Variants in RNF187 observed in about 807,000 individuals in gnomAD.
The protein encoded by RNF187 is ring finger protein 187.
A neutral mutation model predicts 22.2 loss-of-function variants in RNF187; 18 were observed. The ratio of observed to expected loss-of-function variants is 0.81; its 90% CI spans 0.56 to 1.20. The LOEUF is 1.20. Among genes scored for constraint, RNF187 ranks in the 50% most tolerant of loss-of-function variants. The pLI is 0.00. For missense variants in RNF187, 329 were observed against 317.6 expected, an observed-to-expected ratio of 1.04 and a Z score of -0.27; for synonymous variants, 164 against 140.9, an observed-to-expected ratio of 1.16 and a Z score of -1.16.
At position 228,493,905 on chromosome 1, in the gene RNF187, TCCC is replaced by T; in HGVS notation, c.*21_*23del. ...CAGTGATGGCGCCAACCCGTGGCAG[TCCC>T]AGAGCTGGAGGCAGGAGGATGGATC... On this transcript the variant is annotated 3_prime_UTR_variant, in exon 4 of 4. Transcript: ENST00000305943. The surrounding 1 kb of genome is among the most constrained non-coding windows in gnomAD (Gnocchi z 4.7). The T allele has an allele frequency of 6.4e-7, 1 of 1,551,746 alleles. No homozygotes were observed. Among genetic ancestry groups the T allele is most frequent in the South Asian group, 1.2e-5 (1 of 84,062 alleles).
At chr1:228,489,737 G>A in intron 2 of RNF187, among the ~76,000 whole-genome samples, 1 of 149,968 alleles carries the variant, frequency 6.7e-6, no homozygotes, top group African/African-American at 2.5e-5. Context: ...TTCTCACTGT[G>A]TCCTCACATG....
rs1213181739 is a variant in RNF187, at chr1:228,487,611, C to T, written c.123C>T (p.Ala41=). The change falls in exon 1 of 4, where the codon GCC becomes GCT. Residue 41 remains alanine (A), a synonymous_variant. Transcript: ENST00000305943. ...GGGCGTGCGTGGTGCGCTTCTGGGC[C>T]GAGGAGGACGGGCCCTTCCCGTGCC... The T allele has an allele frequency of 2.4e-6, 3 of 1,259,212 alleles. No individual in the cohort carries two copies. The East Asian group carries it at 1.4e-4, about 57-fold the overall frequency. The allele number at this position is 1,259,212 out of a possible 1,614,324, so 78.0% of individuals were successfully genotyped here.
At chr1:228,491,847 C>T in intron 2 of RNF187, among the ~76,000 whole-genome samples, 2 of 152,168 alleles carry the variant, frequency 1.3e-5, no homozygotes, top group Admixed American at 6.5e-5. Context: ...TGGACAAAGA[C>T]TAGCCACTTG....
Position 228,492,830 on chromosome 1 carries a change from G to T in RNF187, c.484-223G>T. 6.1e-5 allele frequency among the ~76,000 whole-genome samples: 9 copies of T among 147,944 alleles called. No homozygotes were observed. In the East Asian group the frequency reaches 1.8e-3, roughly 29 times the overall value. On this transcript the variant is annotated intron_variant, in intron 2 of 3. Transcript: ENST00000305943. ...AGTAGAGACGGGGTTTCACCATGTT[G>T]GTCAGGCTGGTCTTGAACTCCTGAC...
chr1:228,494,381 G>A lies in RNF187; in HGVS notation c.*496G>A. ...TCAGGTCTTCAGGGAGAGAAAGGAA[G>A]ACTGGATTGCACCTTGATGCCTCCT... On this transcript the variant is annotated 3_prime_UTR_variant, in exon 4 of 4. Transcript: ENST00000305943. The A allele has an allele frequency of 9.8e-7, 1 of 1,018,568 alleles. No homozygotes were observed. The highest frequency in any genetic ancestry group is 1.7e-5 in the African/African-American group (1 of 59,052). 63.1% of individuals were successfully genotyped at this position (1,018,568 alleles called of 1,614,324 possible). A position where few individuals can be genotyped will look rare whatever the true frequency, so the allele number is the denominator to read the frequency against.
Position 228,495,976 on chromosome 1 carries a change from A to G in RNF187, c.*2091A>G. 6.6e-6 allele frequency among the ~76,000 whole-genome samples: 1 copy of G among 152,172 alleles called. No individual in the cohort carries two copies. Among genetic ancestry groups the G allele is most frequent in the Admixed American group, 6.5e-5 (1 of 15,284 alleles). On this transcript the variant is annotated 3_prime_UTR_variant, in exon 4 of 4. Coordinates refer to ENST00000305943, the MANE Select transcript of RNF187 (RefSeq NM_001010858.3). ...ACCCTGCAGTCAGCCCTCCCTCTGC[A>G]CATATGTGGGACAGTCAGATACAGA...
In RNF187 at chr1:228,487,581, C is replaced by T; in HGVS notation, c.93C>T (p.Phe31=). Reference sequence around the variant, plus strand: ...TGCGCGCCGACTGCGGCCACCGCTTCTGTCGGGCGTGCGTGGTGCGCTTCT... The same window carrying T: ...TGCGCGCCGACTGCGGCCACCGCTTTTGTCGGGCGTGCGTGGTGCGCTTCT... Residue 31 remains phenylalanine (F), a synonymous_variant, in exon 1 of 4, where the codon TTC becomes TTT. Transcript: ENST00000305943. The T allele has an allele frequency of 1.6e-6, 2 of 1,267,384 alleles. No homozygotes were observed. Among genetic ancestry groups the T allele is most frequent in the Non-Finnish European group, 1.0e-6 (1 of 992,698 alleles). 78.5% of individuals were successfully genotyped at this position (1,267,384 alleles called of 1,614,324 possible).
chr1:228,493,067 C>T lies in RNF187; in HGVS notation c.498C>T (p.Asp166=), dbSNP rs1437028689. The change falls in exon 3 of 4, where the codon GAC becomes GAT. Residue 166 remains aspartate, a synonymous_variant. Transcript: ENST00000305943. This position sits in a 1 kb window ranked among gnomAD's most constrained non-coding sequence, Gnocchi z 4.7. ...CCCGTTTGCAGGGACACGTGATGGA[C>T]CGTAGGAAGAAGGCACTGACCGACT... 6.5e-7 allele frequency: 1 copy of T among 1,549,234 alleles called. No individual in the cohort carries two copies. The highest frequency in any genetic ancestry group is 1.4e-5 in the African/African-American group (1 of 73,128).
Position 228,495,600 on chromosome 1 carries a change from C to G in RNF187, c.*1715C>G. On this transcript the variant is annotated 3_prime_UTR_variant, in exon 4 of 4. Transcript: ENST00000305943. Reference sequence around the variant, plus strand: ...GCCCTGCACACCTGTGATGCTTGCCCGGACAGGTCCTGATGGCAGAGTCTC... The same window carrying G: ...GCCCTGCACACCTGTGATGCTTGCCGGGACAGGTCCTGATGGCAGAGTCTC... 4 of 985,538 alleles carry G rather than the reference C, an allele frequency of 4.1e-6. No homozygotes were observed. The highest frequency in any genetic ancestry group is 4.8e-6 in the Non-Finnish European group (4 of 829,948). 61.0% of individuals were successfully genotyped at this position (985,538 alleles called of 1,614,324 possible).
chr1:228,492,158 G>A lies in RNF187; in HGVS notation c.484-895G>A. ...CTCAAACTCCTGGGCTCAAGCGATC[G>A]TCTTACCTCAGCCTCCCGAGTTGCT... On this transcript the variant is annotated intron_variant, in intron 2 of 3. Transcript: ENST00000305943. 4.6e-5 allele frequency among the ~76,000 whole-genome samples: 7 copies of A among 151,330 alleles called. No homozygotes were observed. In the South Asian group the frequency reaches 1.0e-3, roughly 23 times the overall value.
chr1:228,491,412 AAG>A, intron 2 of RNF187, among the ~76,000 whole-genome samples: 2 of 143,966 alleles, frequency 1.4e-5, no homozygotes, highest in Admixed American at 7.0e-5. Context: ...AAAAAAAATA[AAG>A]GGAGATGGGT....
In RNF187 at chr1:228,493,053, G is replaced by A; in HGVS notation, c.484G>A (p.Gly162Arg). 6.5e-7 allele frequency: 1 copy of A among 1,540,048 alleles called. No homozygotes were observed. Among genetic ancestry groups the A allele is most frequent in the Non-Finnish European group, 8.8e-7 (1 of 1,138,734 alleles). The change falls in exon 3 of 4, where the codon GGA becomes AGA. Residue 162 changes from glycine to arginine, a missense_variant and splice_region_variant. By Grantham distance (125) the Gly-to-Arg change is moderately radical (BLOSUM62 -2). Transcript: ENST00000305943. This position sits in a 1 kb window ranked among gnomAD's most constrained non-coding sequence, Gnocchi z 4.7. ...GTCTTTTCCTGCCACCCGTTTGCAGGGACACGTGATGGACCGTAGGAAGAA... is the reference window on the plus strand; with the variant it reads ...GTCTTTTCCTGCCACCCGTTTGCAGAGACACGTGATGGACCGTAGGAAGAA...
chr1:228,495,027 C>T lies in RNF187; in HGVS notation c.*1142C>T. On this transcript the variant is annotated 3_prime_UTR_variant, in exon 4 of 4. Transcript: ENST00000305943. ...GCCTCTTCCCCCTGCCCTGGCCACC[C>T]TCCAGTGTCAAAGGAAACTTCCTCG... 1 of 985,710 alleles carries T rather than the reference C, an allele frequency of 1.0e-6. No individual in the cohort carries two copies. The highest frequency in any genetic ancestry group is 1.7e-5 in the African/African-American group (1 of 57,328). The allele number at this position is 985,710 out of a possible 1,614,324, so 61.1% of individuals were successfully genotyped here.
chr1:228,489,059 G>C lies in RNF187; in HGVS notation c.483+7G>C. The C allele has an allele frequency of 5.2e-6, 8 of 1,543,020 alleles. No individual in the cohort carries two copies. The highest frequency in any genetic ancestry group is 7.0e-6 in the Non-Finnish European group (8 of 1,145,202). On this transcript the variant is annotated splice_region_variant and intron_variant, in intron 2 of 3. Coordinates refer to ENST00000305943, the MANE Select transcript of RNF187 (RefSeq NM_001010858.3). ...AGCAGCTGCAGTGTGGAAGGCAAGT[G>C]GGGGGACCTGGGGCAGCCTGGAATG...
Position 228,492,006 on chromosome 1 carries a change from C to G in RNF187, c.484-1047C>G. On this transcript the variant is annotated intron_variant, in intron 2 of 3. Coordinates refer to ENST00000305943, the MANE Select transcript of RNF187 (RefSeq NM_001010858.3). ...GAGGGCGTCTTTCACTTGGGAATTT[C>G]ATTTGCTTTTAAGAAGCAGAATGGA... is the stretch of plus-strand genomic sequence containing the variant. 2.0e-5 allele frequency among the ~76,000 whole-genome samples: 3 copies of G among 152,114 alleles called. 1 individual carries two copies. The highest frequency in any genetic ancestry group is 7.2e-5 in the African/African-American group (3 of 41,424).
chr1:228,495,827 T>G lies in RNF187; in HGVS notation c.*1942T>G. The G allele has an allele frequency of 1.2e-6, 1 of 853,934 alleles. No homozygotes were observed. Among genetic ancestry groups the G allele is most frequent in the Non-Finnish European group, 1.4e-6 (1 of 710,162 alleles). 52.9% of individuals were successfully genotyped at this position (853,934 alleles called of 1,614,324 possible). On this transcript the variant is annotated 3_prime_UTR_variant, in exon 4 of 4. Transcript: ENST00000305943. ...AGATTAATGTATCCATCTCATGTTT[T>G]TTTTGGTGGTGAGAATATTTGAAAT...
In RNF187 at chr1:228,494,133, G is replaced by A; in HGVS notation, c.*248G>A. 2 of 1,427,058 alleles carry A rather than the reference G, an allele frequency of 1.4e-6. No individual in the cohort carries two copies. The highest frequency in any genetic ancestry group is 9.2e-7 in the Non-Finnish European group (1 of 1,092,086). The allele number at this position is 1,427,058 out of a possible 1,614,324, so 88.4% of individuals were successfully genotyped here. A position where few individuals can be genotyped will look rare whatever the true frequency, so the allele number is the denominator to read the frequency against. ...CCACCTGTGCCCGTCCCTTCCTGAAGTCCTAGCCACAGCCCATCCTCCATG... is the reference window on the plus strand; with the variant it reads ...CCACCTGTGCCCGTCCCTTCCTGAAATCCTAGCCACAGCCCATCCTCCATG... On this transcript the variant is annotated 3_prime_UTR_variant, in exon 4 of 4. Coordinates refer to ENST00000305943, the MANE Select transcript of RNF187 (RefSeq NM_001010858.3).
chr1:228,487,970 G>A, intron 1 of RNF187, 92 bp downstream of exon 1: 1 of 748,192 alleles, frequency 1.3e-6, no homozygotes, highest in Non-Finnish European at 1.6e-6. Flanking sequence ...GGCCCTTCCC[G>A]TCTCCACTGT....
chr1:228,492,375 T>A, intron 2 of RNF187, among the ~76,000 whole-genome samples: 1 of 150,972 alleles, frequency 6.6e-6, no homozygotes, highest in Non-Finnish European at 1.5e-5. Context: ...TTTTTTTTTG[T>A]TTTTTGTTTT....
Sources: gnomAD v4.1 joint callset for allele counts (sites outside exome capture counted in the v4.1 genomes callset) on GRCh38, gnomAD v4.1.1 for gene constraint, Gnocchi (gnomAD v3.1) non-coding constraint, MANE v1.5 for transcripts, NCBI Gene and HGNC (gene_info 2026-07-23, HGNC 2026-07-21) for gene names.